The following CDH26 variants were observed in gnomAD, a reference collection of about 807,000 sequenced individuals.
CDH26 encodes cadherin 26, also known as cadherin-like protein 26.
A neutral mutation model predicts 90.3 loss-of-function variants in CDH26; 83 were observed. The observed-to-expected ratio is 0.92, with a 90% CI of 0.77 to 1.10. The LOEUF (loss-of-function observed/expected upper bound fraction) is 1.10, where lower values mean the gene tolerates loss of function less well. CDH26 is among the 50% of genes least tolerant of loss of function. The probability of loss-of-function intolerance (pLI) is 0.00; values close to 1 mark genes in which losing one functional copy is unlikely to be tolerated. For missense variants in CDH26, 1,013 were observed against 1,037.6 expected (o/e 0.98, Z 0.33); for synonymous variants, 397 against 396.3 (o/e 1.00, Z -0.02).
At chr20:59,976,496 T>C (rs1254557807) in intron 4 of CDH26, among the ~76,000 whole-genome samples, 1 of 152,210 alleles carries the variant, frequency 6.6e-6, no homozygotes, top group Non-Finnish European at 1.5e-5. Flanking sequence ...CAAGTGGTTC[T>C]TTTTTTAAAT....
intron 7 of CDH26, among the ~76,000 whole-genome samples, chr20:60,021,863 C>CACACACACACAT (rs2061955565): frequency 6.3e-5 from 4 of 63,366 alleles, no homozygotes; most frequent in African/African-American, 1.5e-4. Flanking sequence ...CACACACACA[C>CACACACACACAT]ACACACACAC....
chr20:59,969,645 A>G (rs1371339103), intron 2 of CDH26, among the ~76,000 whole-genome samples: 3 of 152,230 alleles, frequency 2.0e-5, no homozygotes, highest in African/African-American at 7.2e-5. Flanking sequence ...ACATGTCTGC[A>G]CATTTGTTAA....
At chr20:59,972,986 T>C (rs1569029014) in intron 4 of CDH26, among the ~76,000 whole-genome samples, 3 of 152,226 alleles carry the variant, frequency 2.0e-5, no homozygotes, top group Admixed American at 1.3e-4. Flanking sequence ...CATGCAAAGA[T>C]GACTCTCTAG....
chr20:60,008,340 A>G (rs2061782163), intron 17 of CDH26, among the ~76,000 whole-genome samples: 1 of 152,148 alleles, frequency 6.6e-6, no homozygotes, highest in Non-Finnish European at 1.5e-5. Flanking sequence ...TTTTTATAAC[A>G]TGTGGAAACC....
rs1395617839 is a variant in CDH26, at chr20:59,985,030, A to T, written c.738A>T (p.Arg246Ser). The change falls in exon 7 of 18, where the codon AGA becomes AGT. Residue 246 changes from arginine (R) to serine (S), a missense_variant. Arg to Ser is a moderately radical substitution (Grantham distance 110, BLOSUM62 -1). Coordinates refer to ENST00000348616, the MANE Select transcript of CDH26 (RefSeq NM_177980.4). ...ETAPQFTLLI[R>S]ARDCGEPSLS... ...CTCCTCAGTTTACACTGCTAATCAG[A>T]GCCAGGGACTGTGGAGAACCGTCAC... 6.2e-7 allele frequency: 1 copy of T among 1,614,006 alleles called. No homozygotes were observed. The highest frequency in any genetic ancestry group is 8.5e-7 in the Non-Finnish European group (1 of 1,180,018).
At chr20:60,023,190 G>A (rs764173123) in intron 7 of CDH26, among the ~76,000 whole-genome samples, 2 of 152,238 alleles carry the variant, frequency 1.3e-5, no homozygotes, top group Non-Finnish European at 2.9e-5. Context: ...AGGCAGAGGT[G>A]CCTGTGCACC....
chr20:60,027,135 G>A (rs2146034032), intron 7 of CDH26, among the ~76,000 whole-genome samples: 1 of 152,200 alleles, frequency 6.6e-6, no homozygotes, highest in East Asian at 1.9e-4. Flanking sequence ...TATGGTCTTG[G>A]GCAGAGGAGA....
chr20:59,990,855 C>T (rs1441701981), intron 9 of CDH26, among the ~76,000 whole-genome samples: 1 of 150,902 alleles, frequency 6.6e-6, no homozygotes, highest in African/African-American at 2.5e-5. Context: ...CCCACCCCTA[C>T]AATTTCTTTT....
At chr20:59,978,076 A>G (rs2061348110) in intron 4 of CDH26, among the ~76,000 whole-genome samples, 1 of 152,052 alleles carries the variant, frequency 6.6e-6, no homozygotes, top group Admixed American at 6.5e-5. Context: ...AAGTTCCTCC[A>G]TGCCTTTTTT....
In CDH26 at chr20:59,958,741, C is replaced by G. The variant is rs764032810; in HGVS notation, c.15C>G (p.Ser5=). MAMR[S]GRHPSLLLLL... Reference sequence around the variant, plus strand: ...GGTATTCCCATATGGCCATGAGATCCGGGAGGCACCCCTCGCTGCTGCTGC... The same window carrying G: ...GGTATTCCCATATGGCCATGAGATCGGGGAGGCACCCCTCGCTGCTGCTGC... The change falls in exon 1 of 18, where the codon TCC becomes TCG. Residue 5 remains serine, a synonymous_variant. Coordinates refer to ENST00000348616, the MANE Select transcript of CDH26 (RefSeq NM_177980.4). 1 of 1,614,146 alleles carries G rather than the reference C, an allele frequency of 6.2e-7. No homozygotes were observed. Among genetic ancestry groups the G allele is most frequent in the South Asian group, 1.1e-5 (1 of 91,082 alleles).
chr20:59,994,885 C>G (rs1331110508), intron 11 of CDH26, among the ~76,000 whole-genome samples: 6 of 152,170 alleles, frequency 3.9e-5, no homozygotes. Flanking sequence ...CCAGCCCACA[C>G]CTGGACCTTG....
At chr20:60,026,420 G>C (rs1031458201) in intron 7 of CDH26, among the ~76,000 whole-genome samples, 3 of 151,858 alleles carry the variant, frequency 2.0e-5, no homozygotes, top group Non-Finnish European at 4.4e-5. Context: ...GAGAGAGAGA[G>C]AGAGAGGGAG....
chr20:60,010,653 C>A (rs1005424888), intron 17 of CDH26, among the ~76,000 whole-genome samples: 2 of 152,080 alleles, frequency 1.3e-5, no homozygotes, highest in African/African-American at 4.8e-5. Context: ...CAGGAATGAG[C>A]AGATATGAAG....
At chr20:59,982,800 C>G (rs2061409573) in intron 4 of CDH26, 123 bp from the exon 5 acceptor site, 1 of 1,137,026 alleles carries the variant, frequency 8.8e-7, no homozygotes. Flanking sequence ...TGATTCCTGC[C>G]CTCCGGAACT....
chr20:59,979,582 G>A (rs1363859188), intron 4 of CDH26, among the ~76,000 whole-genome samples: 1 of 128,112 alleles, frequency 7.8e-6, no homozygotes, highest in Non-Finnish European at 1.6e-5. Context: ...CAATTGTGGT[G>A]AGATAAAGCT....
chr20:60,013,282 G>C lies in CDH26; in HGVS notation c.*552G>C, dbSNP rs1374685300. On this transcript the variant is annotated 3_prime_UTR_variant, in exon 18 of 18. Coordinates refer to ENST00000348616, the MANE Select transcript of CDH26 (RefSeq NM_177980.4). ...ATAAATAGATAAAATATGTTATCTT[G>C]AGAAAAATGATTATGCTGAAAGCTT... 2 of 152,246 alleles carry C rather than the reference G, an allele frequency of 1.3e-5. No homozygotes were observed. The highest frequency in any genetic ancestry group is 2.9e-5 in the Non-Finnish European group (2 of 68,106). The allele number at this position is 152,246 out of a possible 1,614,324, so 9.4% of individuals were successfully genotyped here.
intron 17 of CDH26, among the ~76,000 whole-genome samples, chr20:60,012,107 G>A (rs1300285316): frequency 6.6e-6 from 1 of 152,080 alleles, no homozygotes; most frequent in East Asian, 1.9e-4. Flanking sequence ...TGTGGGTCGG[G>A]AGAAAGGAGC....
At chr20:60,009,124 A>G (rs1334404009) in intron 17 of CDH26, among the ~76,000 whole-genome samples, 2 of 152,224 alleles carry the variant, frequency 1.3e-5, no homozygotes, top group Non-Finnish European at 2.9e-5. Flanking sequence ...CATTTTCACT[A>G]TAACCCAATG....
Position 59,968,124 on chromosome 20 carries a change from G to T in CDH26, c.70-843G>T, listed in dbSNP as rs550479407. 6.9e-5 allele frequency among the ~76,000 whole-genome samples: 10 copies of T among 144,762 alleles called. No individual in the cohort carries two copies. The East Asian group carries it at 1.4e-3, about 21-fold the overall frequency. 95.0% of individuals were successfully genotyped at this position (144,762 alleles called of 152,430 possible). ...CCTTCTTTCTTTCTTCTCAGATGGAGTCTTGCTCTGTCGCCCAGGCTGGAG... is the reference window on the plus strand; with the variant it reads ...CCTTCTTTCTTTCTTCTCAGATGGATTCTTGCTCTGTCGCCCAGGCTGGAG... On this transcript the variant is annotated intron_variant, in intron 1 of 17. Coordinates refer to ENST00000348616, the MANE Select transcript of CDH26 (RefSeq NM_177980.4).
Sources: gnomAD v4.1 joint callset for allele counts (sites outside exome capture counted in the v4.1 genomes callset) on GRCh38, gnomAD v4.1.1 for gene constraint, MANE v1.5 for transcripts, NCBI Gene and HGNC (gene_info 2026-07-23, HGNC 2026-07-21) for gene names.